The following CNTN3 variants were observed in gnomAD, a reference collection of about 807,000 sequenced individuals.
CNTN3 encodes contactin 3, also known as contactin-3.
In CNTN3, 60 loss-of-function variants were observed where a neutral mutation model predicts 119.1. The ratio of observed to expected loss-of-function variants is 0.50; its 90% CI spans 0.41 to 0.62. The LOEUF (loss-of-function observed/expected upper bound fraction) is 0.62, where lower values mean the gene tolerates loss of function less well. Ranked by LOEUF, CNTN3 falls within the 20% of genes least tolerant of loss-of-function variation. The pLI is 0.00. For missense variants in CNTN3, 1,101 were observed against 1,242.4 expected (o/e 0.89, Z 1.71); for synonymous variants, 450 against 438.7 (o/e 1.03, Z -0.32).
intron 5 of CNTN3, among the ~76,000 whole-genome samples, chr3:74,390,238 T>C (rs1392084883): frequency 1.3e-5 from 2 of 152,218 alleles, no homozygotes; most frequent in East Asian, 3.9e-4. Flanking sequence ...CTGCAGTATT[T>C]CACCTGGGTG....
intron 4 of CNTN3, among the ~76,000 whole-genome samples, chr3:74,480,018 C>T (rs1702734914): frequency 6.6e-6 from 1 of 151,998 alleles, no homozygotes; most frequent in African/African-American, 2.4e-5. Context: ...TTATTGTTTG[C>T]TGCAAAACTC....
chr3:74,549,171 C>A (rs1161706154), intron 1 of CNTN3, among the ~76,000 whole-genome samples: 1 of 152,058 alleles, frequency 6.6e-6, no homozygotes, highest in Non-Finnish European at 1.5e-5. Context: ...CCCCAACCCC[C>A]TAGTGTTGTC....
At chr3:74,573,435 G>A (rs1704365907) in intron 1 of CNTN3, among the ~76,000 whole-genome samples, 1 of 152,112 alleles carries the variant, frequency 6.6e-6, no homozygotes, top group Non-Finnish European at 1.5e-5. Flanking sequence ...ACCCATATGA[G>A]CATGTGTGGA....
intron 11 of CNTN3, among the ~76,000 whole-genome samples, chr3:74,357,501 T>G (rs1420534102): frequency 6.6e-6 from 1 of 152,016 alleles, no homozygotes; most frequent in East Asian, 1.9e-4. Context: ...TGGGCTGGTC[T>G]TGAACTCCTG....
intron 4 of CNTN3, among the ~76,000 whole-genome samples, chr3:74,441,761 A>G (rs1375381855): frequency 6.6e-6 from 1 of 152,196 alleles, no homozygotes; most frequent in Admixed American, 6.5e-5. Flanking sequence ...GTTTATTGAA[A>G]ATGCCAGAAA....
intron 4 of CNTN3, among the ~76,000 whole-genome samples, chr3:74,448,900 C>T (rs1702096338): frequency 6.6e-6 from 1 of 151,990 alleles, no homozygotes; most frequent in Admixed American, 6.6e-5. Flanking sequence ...AAAAGTTTGC[C>T]TCTTCTGATA....
At chr3:74,381,446 C>G (rs1179492365) in intron 5 of CNTN3, among the ~76,000 whole-genome samples, 1 of 152,066 alleles carries the variant, frequency 6.6e-6, no homozygotes, top group East Asian at 1.9e-4. Context: ...GCCCTTCAAA[C>G]CAGTAGGTCT....
intron 1 of CNTN3, among the ~76,000 whole-genome samples, chr3:74,568,400 G>A (rs1324420167): frequency 6.6e-6 from 1 of 152,162 alleles, no homozygotes; most frequent in Non-Finnish European, 1.5e-5. Context: ...CTGCTCCATA[G>A]GATATGGGGA....
chr3:74,416,935 C>T (rs762127508), intron 5 of CNTN3, among the ~76,000 whole-genome samples: 5 of 151,672 alleles, frequency 3.3e-5, no homozygotes, highest in African/African-American at 1.2e-4. Flanking sequence ...TTGCAGTGAG[C>T]CAAGATTGTG....
chr3:74,276,980 G>T (rs1701892786), intron 20 of CNTN3, among the ~76,000 whole-genome samples: 1 of 151,942 alleles, frequency 6.6e-6, no homozygotes, highest in African/African-American at 2.4e-5. Flanking sequence ...AAATACAAAA[G>T]ATCATTCAAG....
intron 5 of CNTN3, among the ~76,000 whole-genome samples, chr3:74,372,674 T>C (rs2106794374): frequency 6.6e-6 from 1 of 152,178 alleles, no homozygotes; most frequent in Middle Eastern, 3.4e-3. Context: ...AGATAATTCC[T>C]ATGGTGAAGG....
At chr3:74,314,850 T>C (rs548405075) in intron 13 of CNTN3, among the ~76,000 whole-genome samples, 1 of 152,192 alleles carries the variant, frequency 6.6e-6, no homozygotes, top group African/African-American at 2.4e-5. Flanking sequence ...TCAGAGGCGT[T>C]TGAATCAGAG....
chr3:74,423,221 A>G (rs560324816), intron 5 of CNTN3, among the ~76,000 whole-genome samples: 4 of 152,200 alleles, frequency 2.6e-5, no homozygotes, highest in Non-Finnish European at 5.9e-5. Context: ...GCTTTTAATC[A>G]ATGATCAAAA....
intron 5 of CNTN3, among the ~76,000 whole-genome samples, chr3:74,418,342 C>CATTTTTTT (rs1701559769): frequency 1.0e-5 from 1 of 99,652 alleles, no homozygotes; most frequent in African/African-American, 3.9e-5. Flanking sequence ...AAACATATTC[C>CATTTTTTT]TTTTTTTTTT....
At chr3:74,274,503 A>C (rs969600687) in intron 20 of CNTN3, among the ~76,000 whole-genome samples, 1 of 152,142 alleles carries the variant, frequency 6.6e-6, no homozygotes, top group Non-Finnish European at 1.5e-5. Context: ...CCCCCAGTAC[A>C]AGCCCGAGCC....
At chr3:74,299,523 G>C (rs1391765047) in intron 17 of CNTN3, among the ~76,000 whole-genome samples, 1 of 152,164 alleles carries the variant, frequency 6.6e-6, no homozygotes, top group Non-Finnish European at 1.5e-5. Flanking sequence ...TACCAACCAG[G>C]TGACCCTGAG....
chr3:74,454,579 G>A (rs961306601), intron 4 of CNTN3, among the ~76,000 whole-genome samples: 8 of 151,590 alleles, frequency 5.3e-5, no homozygotes, highest in East Asian at 1.9e-4. Flanking sequence ...TATTTTGCTC[G>A]TTAGTTGATG....
At chr3:74,413,849 AG>A in intron 5 of CNTN3, among the ~76,000 whole-genome samples, 1 of 152,298 alleles carries the variant, frequency 6.6e-6, no homozygotes, top group Admixed American at 6.5e-5. Context: ...CTCAAAAGGA[AG>A]GGGATCAATT....
intron 5 of CNTN3, among the ~76,000 whole-genome samples, chr3:74,392,017 T>G (rs918448069): frequency 5.9e-5 from 9 of 152,006 alleles, no homozygotes; most frequent in African/African-American, 2.2e-4. Context: ...AATTGTGATG[T>G]GACTTTGCTT....
Sources: gnomAD v4.1 joint callset for allele counts (sites outside exome capture counted in the v4.1 genomes callset) on GRCh38, gnomAD v4.1.1 for gene constraint, MANE v1.5 for transcripts, NCBI Gene and HGNC (gene_info 2026-07-23, HGNC 2026-07-21) for gene names.